SH3GL3: variants seen among roughly 807,000 people sequenced by gnomAD.
The protein encoded by SH3GL3 is SH3 domain containing GRB2 like 3, endophilin A3.
SH3GL3 carries 33 observed loss-of-function variants against 47.7 expected under a neutral mutation model. The ratio of observed to expected loss-of-function variants is 0.69; its 90% CI spans 0.52 to 0.92. The LOEUF is 0.92. Among genes scored for constraint, SH3GL3 ranks in the 40% least tolerant of loss-of-function variants. The probability of loss-of-function intolerance (pLI) is 0.00; values close to 1 mark genes in which losing one functional copy is unlikely to be tolerated. For missense variants in SH3GL3, 363 were observed against 417.8 expected, an observed-to-expected ratio of 0.87 and a Z score of 1.14; for synonymous variants, 155 against 148.8, an observed-to-expected ratio of 1.04 and a Z score of -0.30.
chr15:83,514,355 C>T (rs2042893584), intron 1 of SH3GL3, among the ~76,000 whole-genome samples: 1 of 151,708 alleles, frequency 6.6e-6, no homozygotes, highest in Non-Finnish European at 1.5e-5. Flanking sequence ...GAAAAAGGGG[C>T]ATCATATCCA....
rs113378897 is a variant in SH3GL3, at chr15:83,555,673, TTTACATCTGA to T, written c.46-3579_46-3570del. 2.2e-3 allele frequency among the ~76,000 whole-genome samples: 338 copies of T among 152,202 alleles called. 1 individual carries two copies. The highest frequency in any genetic ancestry group is 7.6e-3 in the African/African-American group (314 of 41,514). On this transcript the variant is annotated intron_variant, in intron 1 of 8. Coordinates refer to ENST00000427482, the MANE Select transcript of SH3GL3 (RefSeq NM_003027.5). Reference sequence around the variant, plus strand: ...CACATGTGGTAGCATCAGACAGGGGTTTACATCTGAATTTTTTTTCCCAGCCTCATTTGCT... The same window carrying T: ...CACATGTGGTAGCATCAGACAGGGGTATTTTTTTTCCCAGCCTCATTTGCT...
chr15:83,593,815 T>C (rs1195647855), intron 8 of SH3GL3, among the ~76,000 whole-genome samples: 1 of 148,894 alleles, frequency 6.7e-6, no homozygotes, highest in Admixed American at 6.6e-5. Context: ...AGATTTTTCA[T>C]AGATTTTTTT....
At chr15:83,492,757 C>T (rs926098355) in intron 1 of SH3GL3, among the ~76,000 whole-genome samples, 1 of 152,224 alleles carries the variant, frequency 6.6e-6, no homozygotes, top group African/African-American at 2.4e-5. Flanking sequence ...TCAGTGGTGC[C>T]CCACACTGTT....
intron 4 of SH3GL3, among the ~76,000 whole-genome samples, chr15:83,569,762 G>A (rs1239081263): frequency 6.6e-6 from 1 of 152,086 alleles, no homozygotes; most frequent in East Asian, 1.9e-4. Context: ...TCCATCTTTT[G>A]GATCACGTGT....
chr15:83,619,381 C>T (rs1596364697), downstream of SH3GL3, among the ~76,000 whole-genome samples: 1 of 151,874 alleles, frequency 6.6e-6, no homozygotes, highest in Non-Finnish European at 1.5e-5. Flanking sequence ...CACATAGACA[C>T]GAGGAGGGGA....
chr15:83,478,421 A>G (rs1224676987), intron 1 of SH3GL3, among the ~76,000 whole-genome samples: 2 of 152,162 alleles, frequency 1.3e-5, no homozygotes, highest in Non-Finnish European at 2.9e-5. Flanking sequence ...CTTTGGGGAA[A>G]TGTCTTTCAG....
chr15:83,586,384 G>A (rs941207853), intron 6 of SH3GL3, among the ~76,000 whole-genome samples: 5 of 152,182 alleles, frequency 3.3e-5, no homozygotes, highest in African/African-American at 1.2e-4. Flanking sequence ...AGAGATGCCA[G>A]TGTCTTTATA....
chr15:83,628,840 TA>T, the SH3GL3 span, among the ~76,000 whole-genome samples: 3 of 150,134 alleles, frequency 2.0e-5, no homozygotes, highest in East Asian at 1.9e-4. Flanking sequence ...CAAGAATCTG[TA>T]AAAAAAAACA....
chr15:83,519,877 T>C (rs1200767334), intron 1 of SH3GL3, among the ~76,000 whole-genome samples: 1 of 152,224 alleles, frequency 6.6e-6, no homozygotes, highest in Non-Finnish European at 1.5e-5. Flanking sequence ...TAAAGCTTTA[T>C]AGTTTTGTTT....
At chr15:83,571,285 A>G (rs547138291) in intron 4 of SH3GL3, among the ~76,000 whole-genome samples, 35 of 152,308 alleles carry the variant, frequency 2.3e-4, no homozygotes, top group South Asian at 1.2e-3. Flanking sequence ...TGTTTCTGTC[A>G]AGGCGAAATG....
intron 1 of SH3GL3, among the ~76,000 whole-genome samples, chr15:83,535,652 T>G (rs1478524389): frequency 6.6e-6 from 1 of 152,208 alleles, no homozygotes; most frequent in Non-Finnish European, 1.5e-5. Context: ...TAATTCACTT[T>G]CAAAGGTTCT....
intron 8 of SH3GL3, among the ~76,000 whole-genome samples, chr15:83,589,176 CAG>C (rs971779508): frequency 3.3e-5 from 5 of 151,780 alleles, no homozygotes; most frequent in African/African-American, 9.7e-5. Flanking sequence ...AATAATCAAA[CAG>C]AAAAAAATTG....
intron 1 of SH3GL3, among the ~76,000 whole-genome samples, chr15:83,517,205 C>CTTTTTTTTTT (rs36096315): frequency 9.1e-5 from 10 of 109,684 alleles, no homozygotes; most frequent in African/African-American, 1.0e-4. Flanking sequence ...CTTTTCTTTT[C>CTTTTTTTTTT]TTTTTTTTTT....
rs765011085 is a variant in SH3GL3 at position 83,618,093 on chromosome 15, C to T, written c.850C>T (p.Pro284Ser). 1.2e-6 allele frequency: 2 copies of T among 1,611,598 alleles called. No individual in the cohort carries two copies. The highest frequency in any genetic ancestry group is 1.7e-6 in the Non-Finnish European group (2 of 1,177,684). Residue 284 changes from proline (P) to serine (S), a missense_variant, in exon 9 of 9, where the codon CCC becomes TCC. Physicochemically the swap from Pro to Ser is moderately conservative, Grantham distance 74. Transcript: ENST00000427482. ...SVVKTTGSNI[P>S]MDQPCCRGLY... ...TATCATGTGGACAGGTTCTAACATT[C>T]CCATGGACCAGCCCTGCTGTCGTGG...
intron 8 of SH3GL3, among the ~76,000 whole-genome samples, chr15:83,605,939 T>A (rs1329909583): frequency 6.6e-6 from 1 of 152,196 alleles, no homozygotes; most frequent in African/African-American, 2.4e-5. Context: ...CTCAAGTATC[T>A]TCCCCACTTG....
chr15:83,590,351 A>T (rs532954900), intron 8 of SH3GL3, among the ~76,000 whole-genome samples: 29 of 152,264 alleles, frequency 1.9e-4, no homozygotes, highest in African/African-American at 6.7e-4. Context: ...CCCTGTCATG[A>T]TTACATTTTG....
At position 83,590,934 on chromosome 15, in the gene SH3GL3, T is replaced by C. The variant is rs190745142; in HGVS notation, c.838+2163T>C. ...TTTTTAATTCTTATGAAGTCCAATG[T>C]ATTCATGTTTAGTTTTATAGATTGT... On this transcript the variant is annotated intron_variant, in intron 8 of 8. Coordinates refer to ENST00000427482, the MANE Select transcript of SH3GL3 (RefSeq NM_003027.5). 1.4e-4 allele frequency among the ~76,000 whole-genome samples: 21 copies of C among 152,348 alleles called. No individual in the cohort carries two copies. In the East Asian group the frequency reaches 3.9e-3, roughly 28 times the overall value.
chr15:83,578,233 T>C (rs1264997108), intron 6 of SH3GL3, among the ~76,000 whole-genome samples: 1 of 152,146 alleles, frequency 6.6e-6, no homozygotes, highest in Admixed American at 6.5e-5. Flanking sequence ...TAAGGGGCCA[T>C]TGGCACTTTG....
In SH3GL3 at chr15:83,447,469, C is replaced by A. The variant is rs1031316811; in HGVS notation, c.-65C>A. On this transcript the variant is annotated 5_prime_UTR_variant, in exon 1 of 9. Transcript: ENST00000427482. The surrounding 1 kb of genome is among the most constrained non-coding windows in gnomAD (Gnocchi z 5.1). The stretch of plus-strand genomic sequence containing the variant: ...CCGGCCCGGGCTCCCGCTCCCCGAG[C>A]GCGTCGCGGCCGCGTGGCCCAGCCG... 18 of 1,388,256 alleles carry A rather than the reference C, an allele frequency of 1.3e-5. No homozygotes were observed. The Admixed American group carries it at 3.4e-4, about 26-fold the overall frequency. 86.0% of individuals were successfully genotyped at this position (1,388,256 alleles called of 1,614,324 possible). A position where few individuals can be genotyped will look rare whatever the true frequency, so the allele number is the denominator to read the frequency against.
Sources: gnomAD v4.1 joint callset for allele counts (sites outside exome capture counted in the v4.1 genomes callset) on GRCh38, gnomAD v4.1.1 for gene constraint, Gnocchi (gnomAD v3.1) non-coding constraint, MANE v1.5 for transcripts, NCBI Gene and HGNC (gene_info 2026-07-23, HGNC 2026-07-21) for gene names.